PCDHGA5: variants seen among roughly 807,000 people sequenced by gnomAD.
PCDHGA5 encodes the protein protocadherin gamma-A5.
In PCDHGA5, 36 loss-of-function variants were observed where a neutral mutation model predicts 56.7. The ratio of observed to expected loss-of-function variants is 0.64; its 90% CI spans 0.49 to 0.84. PCDHGA5 has a LOEUF of 0.84. PCDHGA5 is among the 40% of genes least tolerant of loss of function. The pLI is 0.00. For missense variants in PCDHGA5, 1,305 were observed against 1,201.5 expected (o/e 1.09, Z -1.27); for synonymous variants, 563 against 520.2 (o/e 1.08, Z -1.12).
Position 141,476,187 on chromosome 5 carries a change from G to A in PCDHGA5, c.2422-18620G>A. 6.2e-7 allele frequency: 1 copy of A among 1,613,782 alleles called. No individual in the cohort carries two copies. The highest frequency in any genetic ancestry group is 1.1e-5 in the South Asian group (1 of 91,072). ...GTAGTGGGAGTTTTGCTTCTGCTTG[G>A]TGCCTTGAACAAGGCTTCCACGGTC... On this transcript the variant is annotated intron_variant, in intron 1 of 3. Coordinates refer to ENST00000518069, the MANE Select transcript of PCDHGA5 (RefSeq NM_018918.3). This position sits in a 1 kb window ranked among gnomAD's most constrained non-coding sequence, Gnocchi z 7.6.
chr5:141,419,651 TC>T, intron 1 of PCDHGA5: 28 of 1,612,632 alleles, frequency 1.7e-5, no homozygotes, highest in Non-Finnish European at 2.3e-5. Flanking sequence ...GGACGCGGAC[TC>T]GGGGCACAAT....
chr5:141,484,334 A>G (rs988395353), intron 1 of PCDHGA5, among the ~76,000 whole-genome samples: 3 of 152,192 alleles, frequency 2.0e-5, no homozygotes, highest in East Asian at 1.9e-4. Context: ...CTTGAAATCA[A>G]TGAATGGTAA....
At position 141,487,886 on chromosome 5, in the gene PCDHGA5, G is replaced by A. The variant is rs1208779156; in HGVS notation, c.2422-6921G>A. On this transcript the variant is annotated intron_variant, in intron 1 of 3. Transcript: ENST00000518069. This position sits in a 1 kb window ranked among gnomAD's most constrained non-coding sequence, Gnocchi z 5.0. ...GATCAAGAGCCAGGCTGTTGTGGAA[G>A]CATGATGATGGAATGTGGGAGCACA... is the stretch of plus-strand genomic sequence containing the variant. 1.3e-6 allele frequency: 1 copy of A among 751,316 alleles called. No individual in the cohort carries two copies. The highest frequency in any genetic ancestry group is 2.1e-6 in the Non-Finnish European group (1 of 467,526). The allele number at this position is 751,316 out of a possible 1,614,324, so 46.5% of individuals were successfully genotyped here.
At chr5:141,433,044 A>T in intron 1 of PCDHGA5, 2 of 1,613,972 alleles carry the variant, frequency 1.2e-6, no homozygotes, top group Non-Finnish European at 8.5e-7. Flanking sequence ...CTCACCACGG[A>T]CTCGCGGAAG....
In PCDHGA5 at chr5:141,409,805, C is replaced by G. The variant is rs751397816; in HGVS notation, c.2421+43054C>G. ...CGCCTTCGCGCTCACGCTGCAGGCC[C>G]GCGACCACGGCTCGCCCACGCTCAG... On this transcript the variant is annotated intron_variant, in intron 1 of 3. Coordinates refer to ENST00000518069, the MANE Select transcript of PCDHGA5 (RefSeq NM_018918.3). 8 of 1,611,512 alleles carry G rather than the reference C, an allele frequency of 5.0e-6. No individual in the cohort carries two copies. In the African/African-American group the frequency reaches 5.3e-5, roughly 11 times the overall value.
intron 1 of PCDHGA5, chr5:141,418,379 C>T: frequency 6.2e-7 from 1 of 1,613,966 alleles, no homozygotes; most frequent in Non-Finnish European, 8.5e-7. Flanking sequence ...CCAACTAAGT[C>T]CTAACGAGTA....
intron 1 of PCDHGA5, among the ~76,000 whole-genome samples, chr5:141,448,393 A>G (rs190525499): frequency 6.6e-6 from 1 of 152,306 alleles, no homozygotes; most frequent in Admixed American, 6.5e-5. Flanking sequence ...ATACATTTAC[A>G]TGGTTTTAAA....
chr5:141,419,350 G>T lies in PCDHGA5; in HGVS notation c.2421+52599G>T, dbSNP rs202038869. 1.1e-4 allele frequency: 173 copies of T among 1,613,730 alleles called. 2 individuals are homozygous for T. The highest frequency in any genetic ancestry group is 2.3e-4 in the Admixed American group (14 of 60,012). ...ACTCTCTCATTGCCAGCGACCTGGA[G>T]TCACGAACGCTGTCGTCCTACGTGT... On this transcript the variant is annotated intron_variant, in intron 1 of 3. Transcript: ENST00000518069.
At chr5:141,479,328 G>C (rs568506786) in intron 1 of PCDHGA5, 3 of 152,536 alleles carry the variant, frequency 2.0e-5, no homozygotes, top group African/African-American at 7.2e-5. Context: ...CAGACTCAGT[G>C]GTGTGCACCT....
intron 1 of PCDHGA5, among the ~76,000 whole-genome samples, chr5:141,463,177 A>G (rs914982793): frequency 2.6e-5 from 4 of 152,250 alleles, no homozygotes; most frequent in Admixed American, 2.6e-4. Context: ...ATGTATGCTC[A>G]GATTATTATT....
At chr5:141,410,192 T>G (rs748013890) in intron 1 of PCDHGA5, 1 of 1,613,980 alleles carries the variant, frequency 6.2e-7, no homozygotes, top group Non-Finnish European at 8.5e-7. Context: ...TCATCTGGTC[T>G]TCGCAGACAA....
chr5:141,380,445 T>C (rs1249653673), intron 1 of PCDHGA5, among the ~76,000 whole-genome samples: 1 of 152,242 alleles, frequency 6.6e-6, no homozygotes, highest in African/African-American at 2.4e-5. Flanking sequence ...AGAATTCTTT[T>C]TAATGCAACC....
intron 1 of PCDHGA5, chr5:141,393,020 A>G: frequency 2.5e-6 from 4 of 1,613,760 alleles, no homozygotes; most frequent in Non-Finnish European, 3.4e-6. Flanking sequence ...TCGTCTCCAG[A>G]GGTAGGACGC....
At chr5:141,496,886 C>T (rs1562175671) in intron 2 of PCDHGA5, among the ~76,000 whole-genome samples, 1 of 135,246 alleles carries the variant, frequency 7.4e-6, no homozygotes, top group African/African-American at 2.9e-5. Context: ...ACAAGTAACA[C>T]TTAAAAAAAA....
rs2099746025 is a variant in PCDHGA5 at position 141,493,066 on chromosome 5, T to C, written c.2422-1741T>C. On this transcript the variant is annotated intron_variant, in intron 1 of 3. Coordinates refer to ENST00000518069, the MANE Select transcript of PCDHGA5 (RefSeq NM_018918.3). This position sits in a 1 kb window ranked among gnomAD's most constrained non-coding sequence, Gnocchi z 4.3. ...AACTACAATAGTAAAAAACACAAGT[T>C]TCTCCAACTCCAGGAGCTTTTATTC... Among the ~76,000 whole-genome samples the C allele has an allele frequency of 6.6e-6, 1 of 152,202 alleles. No homozygotes were observed. Among genetic ancestry groups the C allele is most frequent in the East Asian group, 1.9e-4 (1 of 5,194 alleles).
chr5:141,508,740 C>G (rs2099871405), intron 3 of PCDHGA5, among the ~76,000 whole-genome samples: 1 of 152,006 alleles, frequency 6.6e-6, no homozygotes. Flanking sequence ...CACCCCCCAC[C>G]CCGCTCTTTC....
At chr5:141,388,616 A>C in intron 1 of PCDHGA5, 1 of 1,613,938 alleles carries the variant, frequency 6.2e-7, no homozygotes, top group Non-Finnish European at 8.5e-7. Flanking sequence ...TGTTCAGTCA[A>C]GACGTATACA....
intron 1 of PCDHGA5, among the ~76,000 whole-genome samples, chr5:141,466,121 CA>C (rs908379481): frequency 4.8e-5 from 7 of 146,852 alleles, no homozygotes; most frequent in Non-Finnish European, 6.0e-5. Context: ...GACTCCAGCT[CA>C]AAAAAAAAAT....
chr5:141,434,517 G>A (rs1476955199), intron 1 of PCDHGA5, among the ~76,000 whole-genome samples: 1 of 152,212 alleles, frequency 6.6e-6, no homozygotes, highest in East Asian at 1.9e-4. Context: ...GCTTAAAGGT[G>A]TTCTTAAACC....
Sources: allele counts gnomAD v4.1 joint callset (sites outside exome capture counted in the v4.1 genomes callset), GRCh38; gene constraint gnomAD v4.1.1; non-coding constraint Gnocchi (gnomAD v3.1); transcripts MANE v1.5; gene names NCBI Gene and HGNC (gene_info 2026-07-23, HGNC 2026-07-21).